The following LRRK2 variants were observed in gnomAD, a reference collection of about 807,000 sequenced individuals.
The protein encoded by LRRK2 is leucine rich repeat kinase 2, also known as leucine-rich repeat serine/threonine-protein kinase 2.
Under a neutral mutation model 302.6 loss-of-function variants are expected in LRRK2, and 203 were observed. That is an observed-to-expected ratio of 0.67 (90% CI 0.60 to 0.75). The LOEUF is 0.75. Ranked by LOEUF, LRRK2 falls within the 30% of genes least tolerant of loss-of-function variation. The pLI, the probability that LRRK2 is intolerant of heterozygous loss-of-function variation, is 0.00. For synonymous variants in LRRK2, 1,066 were observed against 1,031.9 expected (o/e 1.03, Z -0.63); for missense variants, 2,830 against 2,951.0 (o/e 0.96, Z 0.95).
At chr12:40,271,793 CAT>C (rs957495915) in intron 14 of LRRK2, among the ~76,000 whole-genome samples, 5 of 152,126 alleles carry the variant, frequency 3.3e-5, no homozygotes, top group African/African-American at 1.2e-4. Flanking sequence ...TGCACCATCA[CAT>C]GTTATCATGT....
At chr12:40,316,667 G>A (rs763204392) in intron 33 of LRRK2, among the ~76,000 whole-genome samples, 40 of 152,038 alleles carry the variant, frequency 2.6e-4, no homozygotes, top group Admixed American at 9.2e-4. Flanking sequence ...GTGTAAGTGA[G>A]GGGTAAATGT....
intron 7 of LRRK2, among the ~76,000 whole-genome samples, chr12:40,244,203 G>A (rs1278674258): frequency 1.3e-5 from 2 of 152,052 alleles, no homozygotes; most frequent in Non-Finnish European, 1.5e-5. Flanking sequence ...TTATAAATAT[G>A]ATTTACTACA....
intron 46 of LRRK2, among the ~76,000 whole-genome samples, chr12:40,358,333 GTTTCC>G (rs1946605881): frequency 6.6e-6 from 1 of 152,024 alleles, no homozygotes; most frequent in African/African-American, 2.4e-5. Context: ...TGTTTCCCCT[GTTTCC>G]TTTTAATAGT....
chr12:40,257,460 T>G (rs1942571097), intron 12 of LRRK2, 83 bp downstream of exon 12: 3 of 1,518,176 alleles, frequency 2.0e-6, no homozygotes, highest in Admixed American at 3.5e-5. Context: ...TTTCTAACAA[T>G]GAAAAGAAAA....
At chr12:40,353,584 C>T (rs902768853) in intron 44 of LRRK2, among the ~76,000 whole-genome samples, 52 of 152,098 alleles carry the variant, frequency 3.4e-4, no homozygotes, top group Admixed American at 3.1e-3. Flanking sequence ...GACGGGGTGG[C>T]GGCCGGGCAG....
intron 23 of LRRK2, 126 bp downstream of exon 23, chr12:40,295,770 G>A (rs1200786001): frequency 5.7e-6 from 5 of 876,218 alleles, no homozygotes; most frequent in African/African-American, 5.1e-5. Context: ...TAAGTCCCCC[G>A]TGCCTCTGGT....
chr12:40,311,346 C>CT (rs34073574), intron 31 of LRRK2, among the ~76,000 whole-genome samples: 10 of 151,100 alleles, frequency 6.6e-5, no homozygotes, highest in Middle Eastern at 3.2e-3. Flanking sequence ...AGAGAGAACA[C>CT]TTTTTTTTTT....
rs771727507 is a variant in LRRK2, at chr12:40,317,302, T to C, written c.4827+2002T>C. On this transcript the variant is annotated intron_variant, in intron 33 of 50. Coordinates refer to ENST00000298910, the MANE Select transcript of LRRK2 (RefSeq NM_198578.4). ...TAAAAAAGAAGTGCCATCATTTTTA[T>C]TTATGCCAATAAATTGAAATATAAT... Among the ~76,000 whole-genome samples the C allele has an allele frequency of 3.9e-5, 6 of 152,124 alleles. No individual in the cohort carries two copies. In the South Asian group the frequency reaches 6.2e-4, roughly 16 times the overall value.
At chr12:40,293,068 C>T (rs1944221783) in intron 20 of LRRK2, among the ~76,000 whole-genome samples, 1 of 152,014 alleles carries the variant, frequency 6.6e-6, no homozygotes, top group Non-Finnish European at 1.5e-5. Flanking sequence ...AGTTAATCCA[C>T]TCTCTTTCCT....
At chr12:40,231,327 AGGAT>A (rs1941172879) in intron 2 of LRRK2, among the ~76,000 whole-genome samples, 1 of 146,192 alleles carries the variant, frequency 6.8e-6, no homozygotes, top group Non-Finnish European at 1.5e-5. Flanking sequence ...CCAAGTCAGG[AGGAT>A]TGCTTGAGCC....
At chr12:40,322,296 G>A in intron 36 of LRRK2, 23 bp from the exon 37 acceptor site, 1 of 1,612,134 alleles carries the variant, frequency 6.2e-7, no homozygotes, top group South Asian at 1.1e-5. Flanking sequence ...ACAAGGTGTT[G>A]AGCTCTGTTT....
chr12:40,347,013 T>A, intron 42 of LRRK2, 90 bp downstream of exon 42: 1 of 1,001,238 alleles, frequency 1.0e-6, no homozygotes, highest in East Asian at 2.6e-5. Flanking sequence ...CTTAATTCCT[T>A]AAACAGATGA....
Position 40,310,709 on chromosome 12 carries a change from C to T in LRRK2, c.4536+60C>T. On this transcript the variant is annotated intron_variant, in intron 31 of 50. Transcript: ENST00000298910. ...TTGATTCTCAACTGCCTAGAAATGT[C>T]AGAAATTTTGAGAAGTGAGCAACTC... 1.9e-6 allele frequency: 3 copies of T among 1,562,018 alleles called. No homozygotes were observed. The South Asian group carries it at 3.3e-5, about 17-fold the overall frequency.
At position 40,363,540 on chromosome 12, in the gene LRRK2, C is replaced by A. The variant is rs780498854; in HGVS notation, c.7167C>A (p.Cys2389Ter). ...AAAAACTCTGTGGACTAATAGACTG[C>A]GTGCACTTTTTAAGGTAAATTCTGT... ...KTEKLCGLIDCVHFLREVMVK... is the reference protein window; with the variant it reads ...KTEKLCGLID The change falls in exon 48 of 51, where the codon TGC becomes TGA. Residue 2389 changes from cysteine to a stop codon, truncating the protein, a stop_gained. Transcript: ENST00000298910. LOFTEE classifies it high-confidence loss of function. The A allele has an allele frequency of 6.2e-7, 1 of 1,611,426 alleles. No individual in the cohort carries two copies. The highest frequency in any genetic ancestry group is 1.1e-5 in the South Asian group (1 of 91,034).
chr12:40,290,197 A>C (rs1287676119), intron 20 of LRRK2, among the ~76,000 whole-genome samples: 1 of 151,938 alleles, frequency 6.6e-6, no homozygotes, highest in Non-Finnish European at 1.5e-5. Flanking sequence ...TTTCACCTTT[A>C]TTTTGTTAAT....
chr12:40,233,202 G>A (rs1817817), intron 3 of LRRK2, among the ~76,000 whole-genome samples: 9,051 of 152,234 alleles, frequency 0.059, 473 homozygotes, highest in East Asian at 0.31. Context: ...GGGTGACAGA[G>A]CGACACTCTG....
chr12:40,237,313 A>G (rs1446846621), intron 4 of LRRK2, among the ~76,000 whole-genome samples: 3 of 152,188 alleles, frequency 2.0e-5, no homozygotes, highest in African/African-American at 7.2e-5. Flanking sequence ...TAGAAATATA[A>G]TGCAGGCAAT....
chr12:40,274,444 T>C, intron 14 of LRRK2, 139 bp from the exon 15 acceptor site: 1 of 818,242 alleles, frequency 1.2e-6, no homozygotes, highest in South Asian at 1.7e-5. Context: ...TAAAAGTAAT[T>C]AATGTTATAG....
chr12:40,235,230 G>A (rs1371641989), intron 3 of LRRK2, among the ~76,000 whole-genome samples: 5 of 152,126 alleles, frequency 3.3e-5, no homozygotes, highest in Non-Finnish European at 5.9e-5. Flanking sequence ...CCAGACTTTG[G>A]GAGGCCAAGG....
Sources: allele counts gnomAD v4.1 joint callset (sites outside exome capture counted in the v4.1 genomes callset), GRCh38; gene constraint gnomAD v4.1.1; transcripts MANE v1.5; gene names NCBI Gene and HGNC (gene_info 2026-07-23, HGNC 2026-07-21).